OPN1LW: variants seen among roughly 807,000 people sequenced by gnomAD.
OPN1LW encodes the protein long-wave-sensitive opsin 1.
Under a neutral mutation model 18.1 loss-of-function variants are expected in OPN1LW, and 4 were observed. That is an observed-to-expected ratio of 0.22 (90% CI 0.11 to 0.51). OPN1LW has a LOEUF of 0.51. Ranked by LOEUF, OPN1LW falls within the 20% of genes least tolerant of loss-of-function variation. OPN1LW has a pLI of 0.97. For synonymous variants in OPN1LW, 86 were observed against 101.2 expected (o/e 0.85, Z 0.90); for missense variants, 164 against 234.9 (o/e 0.70, Z 1.97).
chrX:154,156,650 C>A lies in OPN1LW; in HGVS notation c.984+117C>A, dbSNP rs1375678853. 2.1e-5 allele frequency: 22 copies of A among 1,071,474 alleles called. 1 individual carries two copies. In the East Asian group the frequency reaches 4.0e-4, roughly 19 times the overall value. The allele number at this position is 1,071,474 out of a possible 1,213,427, so 88.3% of individuals were successfully genotyped here. A position where few individuals can be genotyped will look rare whatever the true frequency, so the allele number is the denominator to read the frequency against. On this transcript the variant is annotated intron_variant, in intron 5 of 5. Coordinates refer to ENST00000369951, the MANE Select transcript of OPN1LW (RefSeq NM_020061.6). ...GAAGCCCGCGGAGCATCTGGGGGAC[C>A]CTCCAGGGAAATGACCGGGAAAGGC...
intron 1 of OPN1LW, among the ~76,000 whole-genome samples, chrX:154,148,261 T>G (rs2067062165): frequency 9.8e-6 from 1 of 102,465 alleles, no homozygotes; most frequent in South Asian, 4.0e-4. Flanking sequence ...TTTGGTGTTG[T>G]TGTTGTTGCT....
In OPN1LW at chrX:154,156,236, G is replaced by A. The variant is rs782458041; in HGVS notation, c.745-58G>A. ...CTCCTCCCCACAACTCCCTATGCCTGGGTCACCTGCCTCTTGCTGCCCTCC... is the reference window on the plus strand; with the variant it reads ...CTCCTCCCCACAACTCCCTATGCCTAGGTCACCTGCCTCTTGCTGCCCTCC... On this transcript the variant is annotated intron_variant, in intron 4 of 5. Transcript: ENST00000369951. 1,544 of 1,155,560 alleles carry A rather than the reference G, an allele frequency of 1.3e-3. 26 individuals carry two copies. In the African/African-American group the frequency reaches 0.029, roughly 21 times the overall value.
chrX:154,150,844 G>A lies in OPN1LW; in HGVS notation c.301G>A (p.Ala101Thr), dbSNP rs782210449. ...GGTGAACCTGGCGGTCGCTGACCTA[G>A]CAGAGACCGTCATCGCCAGCACTAT... ...ILVNLAVADL[A>T]ETVIASTISI... The change falls in exon 2 of 6, where the codon GCA (alanine) becomes ACA (threonine). Residue 101 changes from alanine (A) to threonine (T), a missense_variant. By Grantham distance (58) the Ala-to-Thr change is moderately conservative. Around this residue, in one of 3 missense-constraint regions of OPN1LW, gnomAD observed 106 missense variants for 167.7 expected, o/e 0.63. Transcript: ENST00000369951. The A allele has an allele frequency of 1.2e-5, 14 of 1,197,434 alleles. No homozygotes were observed. Among genetic ancestry groups the A allele is most frequent in the South Asian group, 5.3e-5 (3 of 56,110 alleles).
chrX:154,154,664 C>T lies in OPN1LW; in HGVS notation c.669C>T (p.Leu223=), dbSNP rs1557157823. 8.4e-7 allele frequency: 1 copy of T among 1,188,885 alleles called. No individual in the cohort carries two copies. Among genetic ancestry groups the T allele is most frequent in the African/African-American group, 1.8e-5 (1 of 55,364 alleles). Residue 223 remains leucine (L), a synonymous_variant, in exon 4 of 6, where the codon CTC becomes CTT. Coordinates refer to ENST00000369951, the MANE Select transcript of OPN1LW (RefSeq NM_020061.6). The part of the protein sequence containing the change: ...YPGVQSYMIV[L]MVTCCIIPLA... ...GGGTGCAGTCTTACATGATTGTCCT[C>T]ATGGTCACCTGCTGCATCATCCCAC...
intron 1 of OPN1LW, among the ~76,000 whole-genome samples, chrX:154,149,476 G>T: frequency 1.0e-5 from 1 of 97,000 alleles, no homozygotes; most frequent in Non-Finnish European, 2.0e-5. Context: ...AGGTTGCAGT[G>T]ACCCGAGATC....
At chrX:154,148,927 C>T (rs1460880172) in intron 1 of OPN1LW, among the ~76,000 whole-genome samples, 5 of 104,786 alleles carry the variant, frequency 4.8e-5, no homozygotes, top group South Asian at 7.5e-4. Context: ...AGGCTGTGGC[C>T]GGGCGCAGTG....
At chrX:154,148,618 C>T (rs1557157184) in intron 1 of OPN1LW, among the ~76,000 whole-genome samples, 1 of 103,168 alleles carries the variant, frequency 9.7e-6, no homozygotes, top group Non-Finnish European at 1.9e-5. Flanking sequence ...TCAGGACAGC[C>T]GTCATATTGG....
Position 154,150,843 on chromosome X carries a change from A to C in OPN1LW, c.300A>C (p.Leu100=), listed in dbSNP as rs1065420. The C allele has an allele frequency of 5.0e-6, 6 of 1,198,778 alleles. No homozygotes were observed. The highest frequency in any genetic ancestry group is 2.6e-4 in the Middle Eastern group (1 of 3,790). The change falls in exon 2 of 6, where the codon CTA becomes CTC. Residue 100 remains leucine, a synonymous_variant. Coordinates refer to ENST00000369951, the MANE Select transcript of OPN1LW (RefSeq NM_020061.6). ...WILVNLAVAD[L]AETVIASTIS... Reference sequence around the variant, plus strand: ...TGGTGAACCTGGCGGTCGCTGACCTAGCAGAGACCGTCATCGCCAGCACTA... The same window carrying C: ...TGGTGAACCTGGCGGTCGCTGACCTCGCAGAGACCGTCATCGCCAGCACTA...
At chrX:154,151,085 T>C in intron 2 of OPN1LW, 133 bp downstream of exon 2, 2 of 917,134 alleles carry the variant, frequency 2.2e-6, no homozygotes, top group Middle Eastern at 4.0e-4. Context: ...CTCACATCCA[T>C]ATACTGAAGG....
In OPN1LW at chrX:154,154,641, G is replaced by A. The variant is rs1188983268; in HGVS notation, c.646G>A (p.Val216Met). The A allele has an allele frequency of 2.4e-5, 28 of 1,186,442 alleles. 2 individuals are homozygous for A. Among genetic ancestry groups the A allele is most frequent in the Non-Finnish European group, 2.9e-5 (26 of 881,588 alleles). The change falls in exon 4 of 6, where the codon GTG becomes ATG. Residue 216 changes from valine to methionine, a missense_variant. Val to Met is a conservative substitution (Grantham distance 21). Coordinates refer to ENST00000369951, the MANE Select transcript of OPN1LW (RefSeq NM_020061.6). ...DVFSGSSYPGVQSYMIVLMVT... is the reference protein window; with the variant it reads ...DVFSGSSYPGMQSYMIVLMVT... ...GTTCAGCGGCAGCTCGTACCCCGGGGTGCAGTCTTACATGATTGTCCTCAT... is the reference window on the plus strand; with the variant it reads ...GTTCAGCGGCAGCTCGTACCCCGGGATGCAGTCTTACATGATTGTCCTCAT...
At chrX:154,154,441 G>C (rs1557157775) in intron 3 of OPN1LW, 133 bp from the exon 4 acceptor site, 3 of 453,902 alleles carry the variant, frequency 6.6e-6, no homozygotes, top group Non-Finnish European at 1.1e-5. Flanking sequence ...CTTCAAATTG[G>C]GTAATCTCAT....
rs2315125 is a variant in OPN1LW, at chrX:154,156,377, G to A, written c.828G>A (p.Ala276=). 26 of 1,202,687 alleles carry A rather than the reference G, an allele frequency of 2.2e-5. No homozygotes were observed. The highest frequency in any genetic ancestry group is 7.1e-5 in the South Asian group (4 of 56,248). ...GCATGGTGGTGGTGATGATCTTTGC[G>A]TACTGCGTCTGCTGGGGACCCTACA... ...VTRMVVVMIF[A]YCVCWGPYTF... The change falls in exon 5 of 6, where the codon GCG becomes GCA. Residue 276 remains alanine, a synonymous_variant. Transcript: ENST00000369951.
chrX:154,149,057 T>C (rs2067065168), intron 1 of OPN1LW, among the ~76,000 whole-genome samples: 1 of 102,613 alleles, frequency 9.7e-6, no homozygotes, highest in African/African-American at 4.3e-5. Context: ...TAGAAAAAAT[T>C]AGCCAGGCGT....
intron 1 of OPN1LW, among the ~76,000 whole-genome samples, chrX:154,149,569 A>G (rs1240007471): frequency 7.6e-5 from 7 of 92,065 alleles, no homozygotes; most frequent in African/African-American, 1.5e-4. Context: ...GGAAAAGAAT[A>G]AAAGAGAAAT....
Position 154,154,634 on chromosome X carries a change from C to T in OPN1LW, c.639C>T (p.Tyr213=), listed in dbSNP as rs146127280. The change falls in exon 4 of 6, where the codon TAC becomes TAT. Residue 213 remains tyrosine (Y), a synonymous_variant. Transcript: ENST00000369951. ...CAGACGTGTTCAGCGGCAGCTCGTA[C>T]CCCGGGGTGCAGTCTTACATGATTG... is the stretch of plus-strand genomic sequence containing the variant. ...CGPDVFSGSS[Y]PGVQSYMIVL... 4.0e-5 allele frequency: 47 copies of T among 1,185,586 alleles called. 2 individuals are homozygous for T. Among genetic ancestry groups the T allele is most frequent in the Non-Finnish European group, 5.2e-5 (46 of 881,124 alleles).
At position 154,156,510 on chromosome X, in the gene OPN1LW, A is replaced by T. The variant is rs782292319; in HGVS notation, c.961A>T (p.Ile321Phe). Residue 321 changes from isoleucine (I) to phenylalanine (F), a missense_variant, in exon 5 of 6, where the codon ATC becomes TTC. Around this residue, in one of 3 missense-constraint regions of OPN1LW, gnomAD observed 53 missense variants for 50.2 expected, o/e 1.06. Coordinates refer to ENST00000369951, the MANE Select transcript of OPN1LW (RefSeq NM_020061.6). Reference protein sequence around the residue: ...AKSATIYNPVIYVFMNRQFRN... With the variant: ...AKSATIYNPVFYVFMNRQFRN... ...AAGTGCCACTATCTACAACCCCGTT[A>T]TCTATGTCTTTATGAACCGGCAGGT... is the stretch of plus-strand genomic sequence containing the variant. 8.3e-7 allele frequency: 1 copy of T among 1,200,350 alleles called. No individual in the cohort carries two copies.
chrX:154,156,394 G>T lies in OPN1LW; in HGVS notation c.845G>T (p.Gly282Val). Residue 282 changes from glycine (G) to valine (V), a missense_variant, in exon 5 of 6, where the codon GGA becomes GTA. Physicochemically the swap from Gly to Val is moderately radical, Grantham distance 109. Around this residue, in one of 3 missense-constraint regions of OPN1LW, gnomAD observed 53 missense variants for 50.2 expected, o/e 1.06. Transcript: ENST00000369951. ...VMIFAYCVCW[G>V]PYTFFACFAA... Reference sequence around the variant, plus strand: ...ATCTTTGCGTACTGCGTCTGCTGGGGACCCTACACCTTCTTCGCATGCTTT... The same window carrying T: ...ATCTTTGCGTACTGCGTCTGCTGGGTACCCTACACCTTCTTCGCATGCTTT... The T allele has an allele frequency of 1.7e-6, 2 of 1,205,029 alleles. No individual in the cohort carries two copies. Among genetic ancestry groups the T allele is most frequent in the Non-Finnish European group, 2.2e-6 (2 of 890,492 alleles).
In OPN1LW at chrX:154,156,352, G is replaced by A. The variant is rs782151075; in HGVS notation, c.803G>A (p.Arg268His). Residue 268 changes from arginine to histidine, a missense_variant, in exon 5 of 6, where the codon CGC becomes CAC. By Grantham distance (29) the Arg-to-His change is conservative (BLOSUM62 0). Coordinates refer to ENST00000369951, the MANE Select transcript of OPN1LW (RefSeq NM_020061.6). ...STQKAEKEVTRMVVVMIFAYC... is the reference protein window; with the variant it reads ...STQKAEKEVTHMVVVMIFAYC... ...CAGAAGGCAGAGAAGGAAGTGACGC[G>A]CATGGTGGTGGTGATGATCTTTGCG... 28 of 1,201,055 alleles carry A rather than the reference G, an allele frequency of 2.3e-5. No individual in the cohort carries two copies. Among genetic ancestry groups the A allele is most frequent in the Admixed American group, 4.4e-5 (2 of 45,251 alleles).
At chrX:154,144,557 C>G (rs1557156937) in intron 1 of OPN1LW, among the ~76,000 whole-genome samples, 162 bp downstream of exon 1, 1 of 39,244 alleles carries the variant, frequency 2.5e-5, no homozygotes, top group Non-Finnish European at 4.7e-5. Flanking sequence ...CTCTCCAAAT[C>G]TAGAAGGACA....
Sources: gnomAD v4.1 joint callset for allele counts (sites outside exome capture counted in the v4.1 genomes callset) on GRCh38, gnomAD v4.1.1 for gene constraint, gnomAD v4.1.1 regional missense constraint, MANE v1.5 for transcripts, NCBI Gene and HGNC (gene_info 2026-07-23, HGNC 2026-07-21) for gene names.